FBF1: variants seen among roughly 807,000 people sequenced by gnomAD.
FBF1 encodes Fas binding factor 1, also known as fas-binding factor 1.
A neutral mutation model predicts 147.2 loss-of-function variants in FBF1; 119 were observed. The observed-to-expected ratio is 0.81, with a 90% CI of 0.70 to 0.94. FBF1 has a LOEUF of 0.94. Among genes scored for constraint, FBF1 ranks in the 40% least tolerant of loss-of-function variants. FBF1 has a pLI of 0.00. For missense variants in FBF1, 1,449 were observed against 1,500.8 expected (o/e 0.97, Z 0.57); for synonymous variants, 601 against 609.0 (o/e 0.99, Z 0.19).
chr17:75,918,295 G>T lies in FBF1; in HGVS notation c.2139-26C>A. 1 of 1,594,146 alleles carries T rather than the reference G, an allele frequency of 6.3e-7. No individual in the cohort carries two copies. The highest frequency in any genetic ancestry group is 8.6e-7 in the Non-Finnish European group (1 of 1,165,478). On this transcript the variant is annotated intron_variant, in intron 20 of 29. Coordinates refer to ENST00000636174, the MANE Select transcript of FBF1 (RefSeq NM_001319193.2). This position sits in a 1 kb window ranked among gnomAD's most constrained non-coding sequence, Gnocchi z 5.8. Reference sequence around the variant, plus strand: ...CTGAGGGGAGGCGGGAGGGGAAGGCGGTCACTCTGAGCTGGATCACCCTGA... The same window carrying T: ...CTGAGGGGAGGCGGGAGGGGAAGGCTGTCACTCTGAGCTGGATCACCCTGA...
Position 75,927,502 on chromosome 17 carries a change from G to C in FBF1, c.428C>G (p.Pro143Arg). 1 of 1,603,814 alleles carries C rather than the reference G, an allele frequency of 6.2e-7. No homozygotes were observed. Among genetic ancestry groups the C allele is most frequent in the South Asian group, 1.1e-5 (1 of 88,938 alleles). The change falls in exon 9 of 30, where the codon CCG (proline) becomes CGG (arginine). Residue 143 changes from proline to arginine, a missense_variant. Coordinates refer to ENST00000636174, the MANE Select transcript of FBF1 (RefSeq NM_001319193.2). The stretch of plus-strand genomic sequence containing the variant: ...CTGATGCCCAGAGCTGCTGGGAGAC[G>C]GAAGTGACTTCTTGGTGGGAATGGC... ...GGAIPTKKSL[P>R]SPSSSGHQNR... is the part of the protein sequence containing the mutation.
At chr17:75,938,075 G>T in intron 2 of FBF1, 72 bp downstream of exon 2, 1 of 1,597,342 alleles carries the variant, frequency 6.3e-7, no homozygotes, top group Non-Finnish European at 8.5e-7. Context: ...GTTGCATGCA[G>T]TCAAGATCTT....
intron 4 of FBF1, among the ~76,000 whole-genome samples, chr17:75,934,910 G>A (rs1346420161): frequency 1.3e-5 from 2 of 151,388 alleles, no homozygotes; most frequent in South Asian, 2.1e-4. Context: ...GTAAGATGCT[G>A]TGTGATTCCA....
At chr17:75,921,100 G>T in intron 17 of FBF1, 144 bp downstream of exon 17, 1 of 801,588 alleles carries the variant, frequency 1.2e-6, no homozygotes. Flanking sequence ...AGTGGGGGGT[G>T]CCCGGGGAGC....
At chr17:75,929,945 A>ACTCC in intron 7 of FBF1, 52 bp downstream of exon 7, 1 of 650,912 alleles carries the variant, frequency 1.5e-6, no homozygotes, top group Non-Finnish European at 2.8e-6. Flanking sequence ...AAATATCATG[A>ACTCC]CCCCACCCCA....
chr17:75,924,193 G>T (rs544869133), intron 13 of FBF1, among the ~76,000 whole-genome samples: 2 of 151,630 alleles, frequency 1.3e-5, no homozygotes, highest in Non-Finnish European at 2.9e-5. Context: ...CAGCCTGGGC[G>T]ACAGAGTGAG....
At chr17:75,920,839 G>C (rs1459617837) in intron 17 of FBF1, among the ~76,000 whole-genome samples, 2 of 151,800 alleles carry the variant, frequency 1.3e-5, no homozygotes, top group South Asian at 4.2e-4. Context: ...CTGGGGGGGG[G>C]GGGGGCACAC....
In FBF1 at chr17:75,923,164, C is replaced by T. The variant is rs1376212435; in HGVS notation, c.1424+22G>A. The T allele has an allele frequency of 6.5e-7, 1 of 1,541,766 alleles. No homozygotes were observed. The highest frequency in any genetic ancestry group is 2.0e-5 in the Admixed American group (1 of 50,998). ...CCCCAGCCAGTCCTCCCCCTACTAGCCACAGCAGCCTAAGTCAGTACCTGC... is the reference window on the plus strand; with the variant it reads ...CCCCAGCCAGTCCTCCCCCTACTAGTCACAGCAGCCTAAGTCAGTACCTGC... On this transcript the variant is annotated intron_variant, in intron 14 of 29. Transcript: ENST00000636174. The surrounding 1 kb of genome is among the most constrained non-coding windows in gnomAD (Gnocchi z 4.1).
At chr17:75,915,719 T>G (rs1443725900) in intron 23 of FBF1, among the ~76,000 whole-genome samples, 3 of 150,518 alleles carry the variant, frequency 2.0e-5, no homozygotes, top group Admixed American at 6.6e-5. Flanking sequence ...TTTAAAAACA[T>G]TTTTTTGGGC....
At position 75,917,912 on chromosome 17, in the gene FBF1, C is replaced by G; in HGVS notation, c.2386+19G>C. 1 of 1,590,430 alleles carries G rather than the reference C, an allele frequency of 6.3e-7. No homozygotes were observed. Among genetic ancestry groups the G allele is most frequent in the Non-Finnish European group, 8.6e-7 (1 of 1,167,908 alleles). Reference sequence around the variant, plus strand: ...CCCTTCCCACCAGGAGCCGGGGTGGCTGAGAGGGGAGGGCGTACCCCGCAG... The same window carrying G: ...CCCTTCCCACCAGGAGCCGGGGTGGGTGAGAGGGGAGGGCGTACCCCGCAG... On this transcript the variant is annotated intron_variant, in intron 22 of 29. Coordinates refer to ENST00000636174, the MANE Select transcript of FBF1 (RefSeq NM_001319193.2).
chr17:75,917,964 G>C lies in FBF1; in HGVS notation c.2353C>G (p.Leu785Val), dbSNP rs748194088. Residue 785 changes from leucine (L) to valine (V), a missense_variant, in exon 22 of 30, where the codon CTG becomes GTG. Physicochemically the swap from Leu to Val is conservative, Grantham distance 32. Coordinates refer to ENST00000636174, the MANE Select transcript of FBF1 (RefSeq NM_001319193.2). The part of the protein sequence containing the change: ...SHLTTSQERE[L>V]GIRQRDEQLR... ...TGCTCGTCACGCTGCCGGATCCCCA[G>C]CTCCCGCTCCTGGGAGGTGGTGAGG... The C allele has an allele frequency of 5.0e-6, 8 of 1,607,190 alleles. No individual in the cohort carries two copies. In the South Asian group the frequency reaches 8.8e-5, roughly 18 times the overall value.
intron 4 of FBF1, among the ~76,000 whole-genome samples, chr17:75,934,819 C>T (rs1463404371): frequency 7.3e-6 from 1 of 136,192 alleles, no homozygotes; most frequent in Admixed American, 8.3e-5. Flanking sequence ...GTGGAGGTTG[C>T]GGTGAGCCGA....
chr17:75,916,144 C>A (rs1365694406), intron 23 of FBF1, among the ~76,000 whole-genome samples: 1 of 134,616 alleles, frequency 7.4e-6, no homozygotes, highest in Non-Finnish European at 1.6e-5. Flanking sequence ...ACATGGCAAA[C>A]CCCCGTTTCT....
intron 5 of FBF1, among the ~76,000 whole-genome samples, chr17:75,931,880 G>A (rs576612441): frequency 2.7e-4 from 41 of 151,890 alleles, no homozygotes; most frequent in Non-Finnish European, 5.9e-4. Context: ...CTCATCTGTG[G>A]GGTATTCATT....
At position 75,925,205 on chromosome 17, in the gene FBF1, C is replaced by T. The variant is rs751493058; in HGVS notation, c.968+142G>A. On this transcript the variant is annotated intron_variant, in intron 13 of 29. Coordinates refer to ENST00000636174, the MANE Select transcript of FBF1 (RefSeq NM_001319193.2). This position sits in a 1 kb window ranked among gnomAD's most constrained non-coding sequence, Gnocchi z 5.0. ...GGACCAGGCCATCTCCCGCTTCCTT[C>T]AGCACCTGCAGAGCTGAGGGCCTTG... 1.7e-6 allele frequency: 1 copy of T among 578,762 alleles called. No homozygotes were observed. Among genetic ancestry groups the T allele is most frequent in the Non-Finnish European group, 3.0e-6 (1 of 337,238 alleles). The allele number at this position is 578,762 out of a possible 1,614,324, so 35.9% of individuals were successfully genotyped here. A position where few individuals can be genotyped will look rare whatever the true frequency, so the allele number is the denominator to read the frequency against.
chr17:75,926,636 C>G, intron 10 of FBF1, 122 bp downstream of exon 10: 1 of 1,435,442 alleles, frequency 7.0e-7, no homozygotes, highest in African/African-American at 1.4e-5. Context: ...TCTCTTTGTA[C>G]TGGACCTTAG....
intron 6 of FBF1, among the ~76,000 whole-genome samples, chr17:75,931,019 C>A (rs1043155659): frequency 6.6e-5 from 10 of 151,774 alleles, no homozygotes; most frequent in African/African-American, 2.2e-4. Context: ...TGCTTGACCC[C>A]GGGAGGCAGA....
rs1366229763 is a variant in FBF1 at position 75,923,327 on chromosome 17, C to T, written c.1283G>A (p.Arg428Gln). The T allele has an allele frequency of 1.0e-5, 16 of 1,600,240 alleles. No homozygotes were observed. Among genetic ancestry groups the T allele is most frequent in the South Asian group, 7.9e-5 (7 of 88,770 alleles). Reference sequence around the variant, plus strand: ...GTCCTCTTTCTCCTCCTTGGAGGCTCGCAGCTTGGAAGCCTGGCTGGCTTT... The same window carrying T: ...GTCCTCTTTCTCCTCCTTGGAGGCTTGCAGCTTGGAAGCCTGGCTGGCTTT... ...PAKASQASKL[R>Q]ASKEEKEDWL... Residue 428 changes from arginine (R) to glutamine (Q), a missense_variant, in exon 14 of 30, where the codon CGA (arginine) becomes CAA (glutamine). By Grantham distance (43) the Arg-to-Gln change is conservative (BLOSUM62 1). Coordinates refer to ENST00000636174, the MANE Select transcript of FBF1 (RefSeq NM_001319193.2). This position sits in a 1 kb window ranked among gnomAD's most constrained non-coding sequence, Gnocchi z 4.1.
chr17:75,939,646 T>C (rs1339780356), intron 1 of FBF1, among the ~76,000 whole-genome samples: 2 of 152,200 alleles, frequency 1.3e-5, no homozygotes, highest in Admixed American at 6.5e-5. Flanking sequence ...TCCTCCTGCG[T>C]TGGTCTTCCA....
Sources: allele counts gnomAD v4.1 joint callset (sites outside exome capture counted in the v4.1 genomes callset), GRCh38; gene constraint gnomAD v4.1.1; non-coding constraint Gnocchi (gnomAD v3.1); transcripts MANE v1.5; gene names NCBI Gene and HGNC (gene_info 2026-07-23, HGNC 2026-07-21).